QRSL1: variants seen among roughly 807,000 people sequenced by gnomAD.
QRSL1 encodes the protein glutaminyl-tRNA amidotransferase subunit QRSL1, also known as glutamyl-tRNA(Gln) amidotransferase subunit A, mitochondrial.
QRSL1 carries 54 observed loss-of-function variants against 61.6 expected under a neutral mutation model. That is an observed-to-expected ratio of 0.88 (90% CI 0.70 to 1.10). The LOEUF is 1.10. QRSL1 is among the 50% of genes least tolerant of loss of function. The pLI is 0.00. For missense variants in QRSL1, 505 were observed against 622.6 expected, an observed-to-expected ratio of 0.81 and a Z score of 2.01; for synonymous variants, 228 against 225.7, an observed-to-expected ratio of 1.01 and a Z score of -0.09.
chr6:106,655,016 A>ATG, intron 8 of QRSL1, 94 bp downstream of exon 8: 3 of 1,177,174 alleles, frequency 2.5e-6, no homozygotes, highest in Non-Finnish European at 2.4e-6. Flanking sequence ...GCTTGAGATA[A>ATG]TGTTAGTGAT....
chr6:106,639,105 TTG>T, intron 1 of QRSL1, among the ~76,000 whole-genome samples: 1 of 138,760 alleles, frequency 7.2e-6, no homozygotes. Context: ...GTGTGGTTAT[TTG>T]TGTGTTTTGT....
At chr6:106,659,439 T>A (rs9400044) in intron 9 of QRSL1, among the ~76,000 whole-genome samples, 1 of 150,484 alleles carries the variant, frequency 6.6e-6, no homozygotes, top group Non-Finnish European at 1.5e-5. Context: ...CACCCCAGCC[T>A]GGGTGACGGA....
chr6:106,641,068 G>T, intron 3 of QRSL1, 147 bp downstream of exon 3: 1 of 637,572 alleles, frequency 1.6e-6, no homozygotes, highest in Non-Finnish European at 2.5e-6. Context: ...TTTACTATTT[G>T]CTCTTTTAGA....
intron 4 of QRSL1, among the ~76,000 whole-genome samples, chr6:106,644,021 C>T (rs537913261): frequency 6.6e-6 from 1 of 151,298 alleles, no homozygotes; most frequent in African/African-American, 2.4e-5. Flanking sequence ...ACAGGCATGC[C>T]CCACCATTCC....
intron 1 of QRSL1, 107 bp downstream of exon 1, chr6:106,629,812 C>T (rs1776776997): frequency 7.3e-7 from 1 of 1,379,228 alleles, no homozygotes; most frequent in African/African-American, 1.4e-5. Context: ...CACCTCGCTG[C>T]TTCCTCTAGA....
chr6:106,641,071 C>G (rs1334058223), intron 3 of QRSL1, 150 bp downstream of exon 3: 4 of 630,264 alleles, frequency 6.3e-6, no homozygotes, highest in African/African-American at 5.7e-5. Flanking sequence ...ACTATTTGCT[C>G]TTTTAGAATG....
chr6:106,640,123 G>A lies in QRSL1; in HGVS notation c.25-226G>A, dbSNP rs1776994173. On this transcript the variant is annotated intron_variant, in intron 1 of 10. Coordinates refer to ENST00000369046, the MANE Select transcript of QRSL1 (RefSeq NM_018292.5). ...CAGCCTGACTTTGAAACCAAAAGTT[G>A]GCTAAGGAGAAGAATGTCATGTCCT... The A allele has an allele frequency of 2.0e-5, 8 of 395,232 alleles. No homozygotes were observed. The East Asian group carries it at 3.7e-4, about 18-fold the overall frequency. The allele number at this position is 395,232 out of a possible 1,614,324, so 24.5% of individuals were successfully genotyped here.
At chr6:106,648,876 C>G (rs997137339) in intron 4 of QRSL1, 149 bp from the exon 5 acceptor site, 2 of 658,832 alleles carry the variant, frequency 3.0e-6, no homozygotes, top group East Asian at 2.9e-5. Context: ...AAAGCTACAT[C>G]TGAACAGGCT....
chr6:106,657,946 G>A (rs371759343), intron 9 of QRSL1, among the ~76,000 whole-genome samples: 14 of 151,952 alleles, frequency 9.2e-5, no homozygotes, highest in South Asian at 2.1e-4. Context: ...CTCGTGATCC[G>A]CCCACCTCAG....
At position 106,652,562 on chromosome 6, in the gene QRSL1, C is replaced by G. The variant is rs762322256; in HGVS notation, c.829C>G (p.Leu277Val). The G allele has an allele frequency of 2.5e-5, 40 of 1,614,044 alleles. No homozygotes were observed. The highest frequency in any genetic ancestry group is 1.6e-4 in the Middle Eastern group (1 of 6,084). The stretch of plus-strand genomic sequence containing the variant: ...TCCCAGTTTGGCAGATGTGAGCAAA[C>G]TATGTATAGGAATTCCAAAGGTAAC... ...MLPSLADVSK[L>V]CIGIPKEYLV... Residue 277 changes from leucine (L) to valine (V), a missense_variant, in exon 7 of 11, where the codon CTA (leucine) becomes GTA (valine). Coordinates refer to ENST00000369046, the MANE Select transcript of QRSL1 (RefSeq NM_018292.5).
At chr6:106,641,859 G>T (rs549174080) in intron 3 of QRSL1, among the ~76,000 whole-genome samples, 1 of 152,260 alleles carries the variant, frequency 6.6e-6, no homozygotes, top group African/African-American at 2.4e-5. Context: ...GCAATATTTT[G>T]TAGAACTAAC....
At position 106,667,964 on chromosome 6, in the gene QRSL1, A is replaced by AAGAG. The variant is rs922937512; in HGVS notation, c.*1976_*1979dup. ...TTTTTATGTAATGAATTTAAAAAAA[A>AAGAG]AGAGAGAGAGAGAGAGATGGGCTCT... On this transcript the variant is annotated 3_prime_UTR_variant, in exon 11 of 11. Coordinates refer to ENST00000369046, the MANE Select transcript of QRSL1 (RefSeq NM_018292.5). The AAGAG allele has an allele frequency of 8.0e-6, 1 of 124,456 alleles. No individual in the cohort carries two copies. The highest frequency in any genetic ancestry group is 3.6e-5 in the African/African-American group (1 of 27,564). The allele number at this position is 124,456 out of a possible 1,614,324, so 7.7% of individuals were successfully genotyped here. A position where few individuals can be genotyped will look rare whatever the true frequency, so the allele number is the denominator to read the frequency against.
chr6:106,631,692 G>A (rs991821293), intron 1 of QRSL1, among the ~76,000 whole-genome samples: 1 of 152,068 alleles, frequency 6.6e-6, no homozygotes, highest in Non-Finnish European at 1.5e-5. Flanking sequence ...GTACATAGTA[G>A]GTGTATGTAT....
In QRSL1 at chr6:106,666,277, A is replaced by G. The variant is rs1777433453; in HGVS notation, c.*275A>G. 2 of 403,920 alleles carry G rather than the reference A, an allele frequency of 5.0e-6. No homozygotes were observed. Among genetic ancestry groups the G allele is most frequent in the Non-Finnish European group, 9.2e-6 (2 of 218,324 alleles). The allele number at this position is 403,920 out of a possible 1,614,324, so 25.0% of individuals were successfully genotyped here. On this transcript the variant is annotated 3_prime_UTR_variant, in exon 11 of 11. Coordinates refer to ENST00000369046, the MANE Select transcript of QRSL1 (RefSeq NM_018292.5). ...CAGTGAGCCGAGATCATGCCACTGC[A>G]CTGCACTCCAGCCTGGGTGACAAAG...
rs372563842 is a variant in QRSL1 at position 106,649,145 on chromosome 6, A to G, written c.501A>G (p.Ile167Met). 3.7e-6 allele frequency: 6 copies of G among 1,614,116 alleles called. No individual in the cohort carries two copies. Among genetic ancestry groups the G allele is most frequent in the Middle Eastern group, 1.6e-4 (1 of 6,084 alleles). Residue 167 changes from isoleucine to methionine, a missense_variant, in exon 5 of 11, where the codon ATA (isoleucine) becomes ATG (methionine). By Grantham distance (10) the Ile-to-Met change is conservative. Transcript: ENST00000369046. ...HSENEDSDWL[I>M]TGGSSGGSAA... ...AGAATGAAGATTCAGACTGGCTGAT[A>G]ACTGGAGGAAGCTCAGGTGGGAGTG...
chr6:106,648,436 G>A (rs1777147092), intron 4 of QRSL1, among the ~76,000 whole-genome samples: 1 of 152,164 alleles, frequency 6.6e-6, no homozygotes, highest in Non-Finnish European at 1.5e-5. Flanking sequence ...ATACATGTAA[G>A]TTACCCTTAA....
At chr6:106,630,357 T>G (rs1776796675) in intron 1 of QRSL1, among the ~76,000 whole-genome samples, 1 of 151,928 alleles carries the variant, frequency 6.6e-6, no homozygotes, top group South Asian at 2.1e-4. Flanking sequence ...AAAGCTCTGG[T>G]ATTTCTGAAT....
At chr6:106,663,578 CT>C (rs1777392338) in intron 10 of QRSL1, among the ~76,000 whole-genome samples, 1 of 152,196 alleles carries the variant, frequency 6.6e-6, no homozygotes, top group Non-Finnish European at 1.5e-5. Flanking sequence ...ACAACCAGGT[CT>C]TGTGATAACT....
chr6:106,654,627 C>A (rs1777239354), intron 7 of QRSL1, 103 bp from the exon 8 acceptor site: 10 of 1,017,642 alleles, frequency 9.8e-6, no homozygotes, highest in Non-Finnish European at 1.4e-5. Context: ...ACCAAAGGTC[C>A]TGAAGTACAG....
Sources: gnomAD v4.1 joint callset for allele counts (sites outside exome capture counted in the v4.1 genomes callset) on GRCh38, gnomAD v4.1.1 for gene constraint, MANE v1.5 for transcripts, NCBI Gene and HGNC (gene_info 2026-07-23, HGNC 2026-07-21) for gene names.